Variants in TTC27 observed in about 807,000 individuals in gnomAD.
The protein encoded by TTC27 is tetratricopeptide repeat domain 27.
Under a neutral mutation model 115.9 loss-of-function variants are expected in TTC27, and 79 were observed. That is an observed-to-expected ratio of 0.68 (90% confidence interval 0.57 to 0.82). The LOEUF (loss-of-function observed/expected upper bound fraction) is 0.82. Ranked by LOEUF, TTC27 falls within the 40% of genes least tolerant of loss-of-function variation. The pLI, the probability that TTC27 is intolerant of heterozygous loss-of-function variation, is 0.00. For missense variants in TTC27, 1,054 were observed against 993.1 expected (o/e 1.06, Z -0.82); for synonymous variants, 401 against 356.0 (o/e 1.13, Z -1.42).
chr2:32,715,016 T>A (rs1304507055), intron 10 of TTC27, among the ~76,000 whole-genome samples: 2 of 152,162 alleles, frequency 1.3e-5, no homozygotes, highest in South Asian at 2.1e-4. Context: ...TTTTCTCTCA[T>A]TTTGTAGGTT....
At chr2:32,764,391 T>G (rs897279877) in intron 13 of TTC27, among the ~76,000 whole-genome samples, 1 of 152,020 alleles carries the variant, frequency 6.6e-6, no homozygotes, top group African/African-American at 2.4e-5. Flanking sequence ...TACTATTATG[T>G]CTAAAAAAAA....
intron 12 of TTC27, among the ~76,000 whole-genome samples, chr2:32,749,901 T>C (rs1416892201): frequency 6.6e-6 from 1 of 151,840 alleles, no homozygotes; most frequent in Non-Finnish European, 1.5e-5. Context: ...GTTCAAAAGG[T>C]AGAAATGGGA....
intron 12 of TTC27, among the ~76,000 whole-genome samples, chr2:32,738,383 G>A (rs1363502072): frequency 6.6e-6 from 1 of 152,188 alleles, no homozygotes; most frequent in Non-Finnish European, 1.5e-5. Flanking sequence ...CTCATAATGT[G>A]ACATGAGTGC....
intron 13 of TTC27, among the ~76,000 whole-genome samples, chr2:32,769,027 C>G (rs1268534792): frequency 6.6e-6 from 1 of 152,102 alleles, no homozygotes; most frequent in Non-Finnish European, 1.5e-5. Flanking sequence ...CTAGTGAAGC[C>G]CAACAGTGAG....
chr2:32,679,759 G>A (rs1666351185), intron 9 of TTC27, among the ~76,000 whole-genome samples: 1 of 152,144 alleles, frequency 6.6e-6, no homozygotes, highest in African/African-American at 2.4e-5. Context: ...TTGAGAGGCC[G>A]AGGCAGGTGG....
chr2:32,652,447 T>C (rs944076319), intron 5 of TTC27, among the ~76,000 whole-genome samples: 1 of 152,084 alleles, frequency 6.6e-6, no homozygotes. Flanking sequence ...TTGGAGAGGA[T>C]TCTATTTTAT....
chr2:32,650,248 T>G lies in TTC27; in HGVS notation c.640+15T>G. ...TATTGATCAAGGTATGTAGCAGATT[T>G]TTGTTTGATATGGGCATGTAGCTCA... On this transcript the variant is annotated intron_variant, in intron 5 of 19. Transcript: ENST00000317907. 1.2e-6 allele frequency: 2 copies of G among 1,608,868 alleles called. No individual in the cohort carries two copies. The highest frequency in any genetic ancestry group is 1.7e-6 in the Non-Finnish European group (2 of 1,176,270).
chr2:32,789,562 G>A (rs560598039), intron 16 of TTC27, among the ~76,000 whole-genome samples: 15 of 152,202 alleles, frequency 9.9e-5, no homozygotes, highest in African/African-American at 3.4e-4. Flanking sequence ...AAAACTTTCA[G>A]TTGTGATTTG....
chr2:32,646,557 G>GTTT lies in TTC27; in HGVS notation c.538-3557_538-3555dup, dbSNP rs369232306. The stretch of plus-strand genomic sequence containing the variant: ...AAATAGGCTATGCTTTCTATATTTG[G>GTTT]TTTTTTTTTTTTTTTTTTTGGAGAC... On this transcript the variant is annotated intron_variant, in intron 4 of 19. Coordinates refer to ENST00000317907, the MANE Select transcript of TTC27 (RefSeq NM_017735.5). 7.3e-4 allele frequency among the ~76,000 whole-genome samples: 84 copies of GTTT among 114,482 alleles called. 6 individuals carry two copies. Among genetic ancestry groups the GTTT allele is most frequent in the Middle Eastern group, 5.1e-3 (1 of 196 alleles). The allele number at this position is 114,482 out of a possible 152,430, so 75.1% of individuals were successfully genotyped here.
intron 18 of TTC27, 60 bp from the exon 19 acceptor site, chr2:32,817,397 T>C (rs969976052): frequency 8.6e-6 from 12 of 1,389,882 alleles, no homozygotes; most frequent in Non-Finnish European, 1.2e-5. Context: ...TTGGCTTTTG[T>C]ACCTGTGAAT....
chr2:32,760,765 C>T (rs957573260), intron 13 of TTC27, among the ~76,000 whole-genome samples: 6 of 152,182 alleles, frequency 3.9e-5, no homozygotes, highest in South Asian at 2.1e-4. Flanking sequence ...CTCGCTTAGC[C>T]TGCCACAATC....
At chr2:32,785,615 A>T (rs1051040446) in intron 15 of TTC27, among the ~76,000 whole-genome samples, 3 of 152,016 alleles carry the variant, frequency 2.0e-5, no homozygotes, top group Non-Finnish European at 2.9e-5. Flanking sequence ...TTGTTTTTTG[A>T]GACAGAGTCT....
intron 15 of TTC27, among the ~76,000 whole-genome samples, chr2:32,784,073 G>T (rs1670268104): frequency 6.6e-6 from 1 of 152,136 alleles, no homozygotes; most frequent in African/African-American, 2.4e-5. Context: ...ACTCTCTGGA[G>T]ACCTTTTTGG....
chr2:32,664,660 T>C (rs1665698533), intron 6 of TTC27, among the ~76,000 whole-genome samples, 193 bp downstream of exon 6: 1 of 152,000 alleles, frequency 6.6e-6, no homozygotes, highest in Admixed American at 6.6e-5. Context: ...ATTTCTAGAG[T>C]TTTCCATTTA....
chr2:32,699,575 T>G (rs1667114418), intron 9 of TTC27, among the ~76,000 whole-genome samples: 1 of 152,200 alleles, frequency 6.6e-6, no homozygotes, highest in African/African-American at 2.4e-5. Flanking sequence ...AACCAACATA[T>G]TTCCTGTTTA....
At chr2:32,813,203 T>A (rs973465418) in intron 18 of TTC27, among the ~76,000 whole-genome samples, 9 of 152,204 alleles carry the variant, frequency 5.9e-5, no homozygotes, top group Non-Finnish European at 8.8e-5. Flanking sequence ...ATTTTTATAT[T>A]TATATTTGAA....
chr2:32,686,101 C>T (rs1180365938), intron 9 of TTC27, among the ~76,000 whole-genome samples: 1 of 152,110 alleles, frequency 6.6e-6, no homozygotes, highest in East Asian at 1.9e-4. Flanking sequence ...TTAAATAAAT[C>T]AAATATTTAC....
At chr2:32,749,987 T>G (rs1668955341) in intron 12 of TTC27, among the ~76,000 whole-genome samples, 1 of 152,280 alleles carries the variant, frequency 6.6e-6, no homozygotes, top group African/African-American at 2.4e-5. Context: ...AATAAGTGGT[T>G]TACTAAAGGA....
chr2:32,749,930 A>G (rs1668953656), intron 12 of TTC27, among the ~76,000 whole-genome samples: 1 of 152,240 alleles, frequency 6.6e-6, no homozygotes, highest in Non-Finnish European at 1.5e-5. Context: ...AGATTTTATC[A>G]CTTAGGCCTG....
Sources: allele counts gnomAD v4.1 joint callset (sites outside exome capture counted in the v4.1 genomes callset), GRCh38; gene constraint gnomAD v4.1.1; transcripts MANE v1.5; gene names NCBI Gene and HGNC (gene_info 2026-07-23, HGNC 2026-07-21).